Variants in CNTNAP2 observed in about 807,000 individuals in gnomAD.
CNTNAP2 encodes the protein contactin associated protein 2.
CNTNAP2 carries 98 observed loss-of-function variants against 155.2 expected under a neutral mutation model. The ratio of observed to expected loss-of-function variants is 0.63; its 90% confidence interval spans 0.54 to 0.75. The LOEUF is 0.75. CNTNAP2 is among the 30% of genes least tolerant of loss of function. The pLI is 0.00. For synonymous variants in CNTNAP2, 651 were observed against 631.2 expected (o/e 1.03, Z -0.47); for missense variants, 1,727 against 1,688.1 (o/e 1.02, Z -0.40).
At chr7:146,129,305 A>G (rs1412527437) in intron 1 of CNTNAP2, among the ~76,000 whole-genome samples, 1 of 152,188 alleles carries the variant, frequency 6.6e-6, no homozygotes, top group Non-Finnish European at 1.5e-5. Flanking sequence ...TCAAATTGGC[A>G]TCAATAGGGC....
chr7:147,203,943 T>C (rs1393632435), intron 8 of CNTNAP2, among the ~76,000 whole-genome samples: 1 of 152,116 alleles, frequency 6.6e-6, no homozygotes, highest in East Asian at 1.9e-4. Context: ...TGTGAAGATA[T>C]GTTGTTTAGA....
At chr7:147,246,496 T>C (rs954721334) in intron 8 of CNTNAP2, among the ~76,000 whole-genome samples, 4 of 152,188 alleles carry the variant, frequency 2.6e-5, no homozygotes, top group African/African-American at 9.7e-5. Context: ...TCTTGGTTAG[T>C]AGAGAGTTGT....
chr7:147,579,000 GC>G (rs1247269505), intron 12 of CNTNAP2, among the ~76,000 whole-genome samples: 1 of 151,954 alleles, frequency 6.6e-6, no homozygotes, highest in Admixed American at 6.6e-5. Context: ...AAATATTCTT[GC>G]AAATTGGTCT....
At chr7:146,672,772 C>T (rs891849766) in intron 1 of CNTNAP2, among the ~76,000 whole-genome samples, 1 of 152,140 alleles carries the variant, frequency 6.6e-6, no homozygotes, top group African/African-American at 2.4e-5. Flanking sequence ...AATCATAACA[C>T]ATTATTCTCA....
chr7:147,277,372 G>A (rs1804920463), intron 8 of CNTNAP2, among the ~76,000 whole-genome samples: 1 of 151,784 alleles, frequency 6.6e-6, no homozygotes, highest in East Asian at 1.9e-4. Context: ...GAAGCCAAAT[G>A]AGAACCAAAA....
chr7:148,207,000 G>A (rs1795460497), intron 18 of CNTNAP2, among the ~76,000 whole-genome samples: 1 of 152,130 alleles, frequency 6.6e-6, no homozygotes, highest in Non-Finnish European at 1.5e-5. Flanking sequence ...TCCTTCTACA[G>A]GTTTCCCACA....
chr7:147,714,065 G>A (rs1156689903), intron 13 of CNTNAP2, among the ~76,000 whole-genome samples: 2 of 151,984 alleles, frequency 1.3e-5, no homozygotes, highest in Non-Finnish European at 2.9e-5. Context: ...TATGCCAAGC[G>A]CTGTAGTAAG....
chr7:147,367,879 C>A (rs1239101661), intron 9 of CNTNAP2, among the ~76,000 whole-genome samples: 1 of 152,098 alleles, frequency 6.6e-6, no homozygotes, highest in East Asian at 1.9e-4. Context: ...AGACACTTTA[C>A]TTTTCACTCT....
intron 3 of CNTNAP2, among the ~76,000 whole-genome samples, chr7:147,010,322 C>A (rs1291777650): frequency 6.6e-6 from 1 of 151,678 alleles, no homozygotes. Context: ...GATCTTGGTT[C>A]TTTAGTATCA....
intron 1 of CNTNAP2, among the ~76,000 whole-genome samples, chr7:146,501,476 C>T (rs897325594): frequency 6.6e-5 from 10 of 151,774 alleles, no homozygotes; most frequent in Non-Finnish European, 1.5e-4. Context: ...GCCCATTTTC[C>T]CCAGTTTATC....
intron 3 of CNTNAP2, among the ~76,000 whole-genome samples, chr7:146,879,202 C>T (rs1025517132): frequency 1.3e-5 from 2 of 152,134 alleles, no homozygotes; most frequent in Admixed American, 6.6e-5. Flanking sequence ...TTGATTTACT[C>T]TTCTGACTAT....
At chr7:146,614,042 G>T (rs1325139482) in intron 1 of CNTNAP2, among the ~76,000 whole-genome samples, 3 of 151,940 alleles carry the variant, frequency 2.0e-5, no homozygotes, top group African/African-American at 7.3e-5. Context: ...CTTATTTCTT[G>T]GTTACTACTA....
intron 20 of CNTNAP2, among the ~76,000 whole-genome samples, chr7:148,260,080 G>A (rs1035843377): frequency 2.0e-5 from 3 of 152,138 alleles, no homozygotes; most frequent in Admixed American, 1.3e-4. Flanking sequence ...AATGCACCAG[G>A]GTTCATTTGA....
intron 10 of CNTNAP2, among the ~76,000 whole-genome samples, chr7:147,451,849 C>A (rs1201044566): frequency 6.6e-6 from 1 of 151,532 alleles, no homozygotes; most frequent in Non-Finnish European, 1.5e-5. Flanking sequence ...GTGACTGGGT[C>A]ATTAGAGCTC....
intron 2 of CNTNAP2, among the ~76,000 whole-genome samples, chr7:146,826,855 T>TAGAG (rs1453854243): frequency 0.015 from 2,103 of 139,972 alleles, 40 homozygotes; most frequent in African/African-American, 0.056. Context: ...TATATATATA[T>TAGAG]ATAGAGAGAG....
At chr7:146,826,574 C>T (rs921842979) in intron 2 of CNTNAP2, among the ~76,000 whole-genome samples, 1 of 151,940 alleles carries the variant, frequency 6.6e-6, no homozygotes, top group East Asian at 1.9e-4. Flanking sequence ...GCTGATTGCT[C>T]CCTGATGTGT....
intron 9 of CNTNAP2, among the ~76,000 whole-genome samples, chr7:147,381,372 A>G (rs530750287): frequency 6.6e-6 from 1 of 152,304 alleles, no homozygotes; most frequent in Non-Finnish European, 1.5e-5. Flanking sequence ...ATAGTAATTA[A>G]GCAAATGTTT....
At chr7:147,110,397 A>C (rs1370453643) in intron 5 of CNTNAP2, among the ~76,000 whole-genome samples, 1 of 151,650 alleles carries the variant, frequency 6.6e-6, no homozygotes. Flanking sequence ...TCATGAATGC[A>C]TGGGCAGGAT....
At chr7:146,490,086 C>T (rs1011586761) in intron 1 of CNTNAP2, among the ~76,000 whole-genome samples, 3 of 152,170 alleles carry the variant, frequency 2.0e-5, no homozygotes, top group Non-Finnish European at 4.4e-5. Context: ...AGGCTTTAAA[C>T]TGCCTTTGGT....
Sources: gnomAD v4.1 joint callset for allele counts (sites outside exome capture counted in the v4.1 genomes callset) on GRCh38, gnomAD v4.1.1 for gene constraint, MANE v1.5 for transcripts, NCBI Gene and HGNC (gene_info 2026-07-23, HGNC 2026-07-21) for gene names.